SNRNP40: variants seen among roughly 807,000 people sequenced by gnomAD.
The protein encoded by SNRNP40 is small nuclear ribonucleoprotein U5 subunit 40.
SNRNP40 carries 21 observed loss-of-function variants against 45.8 expected under a neutral mutation model. The observed-to-expected ratio is 0.46, with a 90% CI of 0.32 to 0.66. The LOEUF (loss-of-function observed/expected upper bound fraction) is 0.66. SNRNP40 is among the 30% of genes least tolerant of loss of function. The pLI, the probability that SNRNP40 is intolerant of heterozygous loss-of-function variation, is 0.03. For missense variants in SNRNP40, 344 were observed against 439.1 expected, an observed-to-expected ratio of 0.78 and a Z score of 1.94; for synonymous variants, 142 against 163.8, an observed-to-expected ratio of 0.87 and a Z score of 1.01.
At chr1:31,268,381 C>A (rs1226813734) in intron 7 of SNRNP40, among the ~76,000 whole-genome samples, 1 of 151,256 alleles carries the variant, frequency 6.6e-6, no homozygotes, top group Non-Finnish European at 1.5e-5. Flanking sequence ...CTCCTGGGCC[C>A]AAGTGATCCT....
chr1:31,271,797 C>T (rs1229413172), intron 5 of SNRNP40, among the ~76,000 whole-genome samples: 2 of 152,046 alleles, frequency 1.3e-5, no homozygotes, highest in East Asian at 3.9e-4. Context: ...GAGCATGCTA[C>T]TATACCCAGC....
chr1:31,266,564 C>T (rs561478151), intron 8 of SNRNP40, among the ~76,000 whole-genome samples: 3 of 152,296 alleles, frequency 2.0e-5, no homozygotes, highest in African/African-American at 7.2e-5. Flanking sequence ...GAATTCTCTC[C>T]CTTCTGTTTC....
intron 4 of SNRNP40, among the ~76,000 whole-genome samples, chr1:31,288,166 G>GAA (rs112153143): frequency 2.5e-5 from 3 of 120,516 alleles, no homozygotes; most frequent in South Asian, 5.1e-4. Context: ...CTGTCTCAAA[G>GAA]AAAAAAAAAA....
At chr1:31,279,816 G>C (rs906194898) in intron 5 of SNRNP40, among the ~76,000 whole-genome samples, 1 of 150,884 alleles carries the variant, frequency 6.6e-6, no homozygotes, top group African/African-American at 2.4e-5. Context: ...ACATTTAAAG[G>C]ACTACCTTTA....
intron 8 of SNRNP40, among the ~76,000 whole-genome samples, chr1:31,265,225 T>C (rs1301964345): frequency 1.3e-5 from 2 of 152,134 alleles, no homozygotes; most frequent in African/African-American, 2.4e-5. Context: ...CCTGGGCTCA[T>C]GGGGTCCTTC....
At chr1:31,291,157 G>A (rs1454943300) in intron 3 of SNRNP40, among the ~76,000 whole-genome samples, 1 of 151,812 alleles carries the variant, frequency 6.6e-6, no homozygotes, top group Non-Finnish European at 1.5e-5. Context: ...GCACGGTGAT[G>A]CATCCCTGTA....
chr1:31,263,744 G>T (rs1172471888), intron 8 of SNRNP40: 2 of 333,986 alleles, frequency 6.0e-6, no homozygotes, highest in African/African-American at 4.5e-5. Flanking sequence ...TGTGCTGAAG[G>T]TTTCCTGCCA....
intron 5 of SNRNP40, among the ~76,000 whole-genome samples, chr1:31,275,482 C>T (rs1031115601): frequency 5.9e-5 from 9 of 152,254 alleles, no homozygotes; most frequent in East Asian, 3.9e-4. Flanking sequence ...CTCCACCTCC[C>T]GGGTTCAAGC....
chr1:31,294,659 G>T (rs1308999954), intron 1 of SNRNP40, among the ~76,000 whole-genome samples: 1 of 152,070 alleles, frequency 6.6e-6, no homozygotes, highest in Non-Finnish European at 1.5e-5. Flanking sequence ...TTATGTGCAG[G>T]CTGGGCGCGG....
intron 5 of SNRNP40, among the ~76,000 whole-genome samples, chr1:31,274,579 T>TA (rs928137284): frequency 6.9e-6 from 1 of 144,840 alleles, no homozygotes; most frequent in Non-Finnish European, 1.5e-5. Context: ...TGAGACCTCC[T>TA]AAAGTGCAGG....
chr1:31,284,097 C>T (rs1646038665), intron 4 of SNRNP40, among the ~76,000 whole-genome samples: 1 of 152,120 alleles, frequency 6.6e-6, no homozygotes, highest in South Asian at 2.1e-4. Context: ...GTGGTATATG[C>T]CTATAGTCCC....
intron 9 of SNRNP40, 21 bp downstream of exon 9, chr1:31,261,508 C>G: frequency 1.3e-6 from 2 of 1,520,824 alleles, no homozygotes; most frequent in Non-Finnish European, 1.8e-6. Flanking sequence ...TTCCCTTTCC[C>G]CCTCGTTGGG....
chr1:31,281,105 T>C (rs541501497), intron 5 of SNRNP40, among the ~76,000 whole-genome samples: 1 of 152,338 alleles, frequency 6.6e-6, no homozygotes, highest in African/African-American at 2.4e-5. Context: ...TAAAAGGAAA[T>C]GCACTCTTTA....
In SNRNP40 at chr1:31,289,247, T is replaced by C. The variant is rs1646084994; in HGVS notation, c.531+7A>G. Reference sequence around the variant, plus strand: ...CAGAAACTGGAACACGGAGAGACAATACCCACCTTAACTGTGCCATCGTCA... The same window carrying C: ...CAGAAACTGGAACACGGAGAGACAACACCCACCTTAACTGTGCCATCGTCA... On this transcript the variant is annotated splice_region_variant and intron_variant, in intron 4 of 9. Transcript: ENST00000263694. 1 of 1,613,270 alleles carries C rather than the reference T, an allele frequency of 6.2e-7. No individual in the cohort carries two copies. The highest frequency in any genetic ancestry group is 1.7e-5 in the Admixed American group (1 of 59,960).
intron 8 of SNRNP40, 186 bp from the exon 9 acceptor site, chr1:31,261,818 T>C (rs1205756135): frequency 1.1e-5 from 5 of 457,198 alleles, no homozygotes; most frequent in Non-Finnish European, 1.9e-5. Context: ...TCTTGAGCAA[T>C]GGGGTGGAGA....
At position 31,293,276 on chromosome 1, in the gene SNRNP40, A is replaced by T. The variant is rs1646119728; in HGVS notation, c.214T>A (p.Cys72Ser). The change falls in exon 2 of 10, where the codon TGC (cysteine) becomes AGC (serine). Residue 72 changes from cysteine (C) to serine (S), a missense_variant. Physicochemically the swap from Cys to Ser is moderately radical, Grantham distance 112 (BLOSUM62 -1). This residue lies in a region of SNRNP40 where 254 missense variants were observed against 380.2 expected (regional missense o/e 0.67). Transcript: ENST00000263694. ...LSGHEGEVYC[C>S]KFHPNGSTLA... ...GTGGATCCGTTGGGGTGGAACTTGC[A>T]GCAGTAGACTTCCCCTTCATGTCCA... The T allele has an allele frequency of 6.2e-7, 1 of 1,614,030 alleles. No homozygotes were observed. The highest frequency in any genetic ancestry group is 1.7e-5 in the Admixed American group (1 of 59,998).
chr1:31,296,699 T>G lies in SNRNP40; in HGVS notation c.53A>C (p.Lys18Thr). Reference sequence around the variant, plus strand: ...CAACAGCAACTCATGCCGCTGCCGCTTGACTGGAACCAGCGGCAACTCTGG... The same window carrying G: ...CAACAGCAACTCATGCCGCTGCCGCGTGACTGGAACCAGCGGCAACTCTGG... ...KGPELPLVPV[K>T]RQRHELLLGA... Residue 18 changes from lysine (K) to threonine (T), a missense_variant, in exon 1 of 10, where the codon AAG becomes ACG. Around this residue, in one of 2 missense-constraint regions of SNRNP40, gnomAD observed 90 missense variants for 58.9 expected, o/e 1.53. Transcript: ENST00000263694. The G allele has an allele frequency of 8.1e-6, 13 of 1,613,806 alleles. No individual in the cohort carries two copies. The highest frequency in any genetic ancestry group is 1.1e-5 in the Non-Finnish European group (13 of 1,179,846).
At chr1:31,289,549 T>A in intron 3 of SNRNP40, 130 bp from the exon 4 acceptor site, 1 of 767,194 alleles carries the variant, frequency 1.3e-6, no homozygotes, top group Non-Finnish European at 2.1e-6. Context: ...AGTTTGCCCA[T>A]GATGCTGGAA....
chr1:31,291,792 C>T, intron 3 of SNRNP40, 121 bp downstream of exon 3: 2 of 670,796 alleles, frequency 3.0e-6, no homozygotes, highest in Non-Finnish European at 5.4e-6. Flanking sequence ...AAATCGGATA[C>T]TAAAGTAGCT....
Sources: gnomAD v4.1 joint callset for allele counts (sites outside exome capture counted in the v4.1 genomes callset) on GRCh38, gnomAD v4.1.1 for gene constraint, gnomAD v4.1.1 regional missense constraint, MANE v1.5 for transcripts, NCBI Gene and HGNC (gene_info 2026-07-23, HGNC 2026-07-21) for gene names.